Variants in B3GALNT2 observed in about 807,000 individuals in gnomAD.
B3GALNT2 encodes UDP-GalNAc:beta-1,3-N-acetylgalactosaminyltransferase 2.
Under a neutral mutation model 61.1 loss-of-function variants are expected in B3GALNT2, and 53 were observed. That is an observed-to-expected ratio of 0.87 (90% CI 0.70 to 1.09). The LOEUF is 1.09. B3GALNT2 is among the 50% of genes least tolerant of loss of function. B3GALNT2 has a pLI of 0.00. For missense variants in B3GALNT2, 544 were observed against 623.0 expected, an observed-to-expected ratio of 0.87 and a Z score of 1.35; for synonymous variants, 223 against 237.4, an observed-to-expected ratio of 0.94 and a Z score of 0.56.
At chr1:235,477,293 C>G (rs1360386279) in intron 5 of B3GALNT2, among the ~76,000 whole-genome samples, 1 of 152,180 alleles carries the variant, frequency 6.6e-6, no homozygotes, top group South Asian at 2.1e-4. Context: ...CCTTTTTGCT[C>G]TCTCTCCACA....
chr1:235,450,359 A>C lies in B3GALNT2; in HGVS notation c.1369-19T>G. The stretch of plus-strand genomic sequence containing the variant: ...GACTGTCCTGTTGAGAAACAACCAA[A>C]GCCGATCTGAGAGTGGTGAAACTGT... On this transcript the variant is annotated intron_variant, in intron 11 of 11. Transcript: ENST00000366600. The C allele has an allele frequency of 6.2e-7, 1 of 1,612,706 alleles. No homozygotes were observed. Among genetic ancestry groups the C allele is most frequent in the Non-Finnish European group, 8.5e-7 (1 of 1,178,922 alleles).
At chr1:235,450,752 C>A (rs1682847857) in intron 11 of B3GALNT2, 1 of 159,196 alleles carries the variant, frequency 6.3e-6, no homozygotes, top group Non-Finnish European at 1.4e-5. Context: ...ACTTAAATCT[C>A]ACAGTAATGC....
In B3GALNT2 at chr1:235,448,744, T is replaced by C. The variant is rs147519707; in HGVS notation, c.*1462A>G. 9 of 1,613,362 alleles carry C rather than the reference T, an allele frequency of 5.6e-6. No individual in the cohort carries two copies. Among genetic ancestry groups the C allele is most frequent in the African/African-American group, 2.7e-5 (2 of 74,900 alleles). On this transcript the variant is annotated 3_prime_UTR_variant, in exon 12 of 12. Coordinates refer to ENST00000366600, the MANE Select transcript of B3GALNT2 (RefSeq NM_152490.5). The stretch of plus-strand genomic sequence containing the variant: ...TTTATTCTGTGGAAAATGGAGATTG[T>C]CTATTAGTGCGATGGTGACAACCAA...
Position 235,448,502 on chromosome 1 carries a change from ACTGTCTCTAGATAGC to A in B3GALNT2, c.*1689_*1703del. 1 of 1,523,468 alleles carries A rather than the reference ACTGTCTCTAGATAGC, an allele frequency of 6.6e-7. No homozygotes were observed. Among genetic ancestry groups the A allele is most frequent in the Non-Finnish European group, 9.1e-7 (1 of 1,097,776 alleles). 94.4% of individuals were successfully genotyped at this position (1,523,468 alleles called of 1,614,324 possible). On this transcript the variant is annotated 3_prime_UTR_variant, in exon 12 of 12. Transcript: ENST00000366600. Reference sequence around the variant, plus strand: ...CTTAGTCCTCGTATTATGACATTAAACTGTCTCTAGATAGCAACAGTTTGATTCTAAATGGAGACC... The same window carrying A: ...CTTAGTCCTCGTATTATGACATTAAAAACAGTTTGATTCTAAATGGAGACC...
At chr1:235,489,780 C>T (rs759929447) in intron 2 of B3GALNT2, among the ~76,000 whole-genome samples, 9 of 152,138 alleles carry the variant, frequency 5.9e-5, no homozygotes, top group Non-Finnish European at 1.3e-4. Context: ...TCTAATTATT[C>T]TCTTCACCTT....
At chr1:235,443,510 T>C (rs1045610358), downstream of B3GALNT2, among the ~76,000 whole-genome samples, 1 of 152,184 alleles carries the variant, frequency 6.6e-6, no homozygotes, top group Non-Finnish European at 1.5e-5. Flanking sequence ...TGGCCTAAGT[T>C]GTATTTTTAA....
Position 235,494,951 on chromosome 1 carries a change from AAAG to A in B3GALNT2, c.113-126_113-124del. 3 of 1,045,560 alleles carry A rather than the reference AAAG, an allele frequency of 2.9e-6. No individual in the cohort carries two copies. The South Asian group carries it at 5.5e-5, about 19-fold the overall frequency. The allele number at this position is 1,045,560 out of a possible 1,614,324, so 64.8% of individuals were successfully genotyped here. On this transcript the variant is annotated intron_variant, in intron 1 of 11. Transcript: ENST00000366600. ...TAGGAAATTCAGATAAACACAAAGA[AAAG>A]AATTTTTAAATCACATATGAACCCA...
chr1:235,441,893 C>T, the B3GALNT2 span: 1 of 1,612,564 alleles, frequency 6.2e-7, no homozygotes. Flanking sequence ...GTAAGAATCT[C>T]AGATTCAAAT....
the B3GALNT2 span, chr1:235,441,510 T>C: frequency 2.7e-6 from 1 of 372,494 alleles, no homozygotes; most frequent in Non-Finnish European, 5.0e-6. Flanking sequence ...TAAGGAACAA[T>C]GATGTAATAC....
chr1:235,500,190 G>A (rs1173101564), intron 1 of B3GALNT2, among the ~76,000 whole-genome samples: 1 of 152,118 alleles, frequency 6.6e-6, no homozygotes, highest in Non-Finnish European at 1.5e-5. Flanking sequence ...ACATCCAAAG[G>A]TATATTAAAG....
intron 4 of B3GALNT2, among the ~76,000 whole-genome samples, chr1:235,481,227 T>C (rs1397532756): frequency 6.6e-6 from 1 of 152,194 alleles, no homozygotes; most frequent in Non-Finnish European, 1.5e-5. Flanking sequence ...AGTCCTTCCT[T>C]GAGGACAAAG....
chr1:235,464,350 G>A (rs768716402), intron 7 of B3GALNT2: 1 of 151,762 alleles, frequency 6.6e-6, no homozygotes, highest in Non-Finnish European at 1.5e-5. Flanking sequence ...TTTTATAAAT[G>A]GGCAAAGGAT....
intron 5 of B3GALNT2, among the ~76,000 whole-genome samples, chr1:235,473,016 G>A (rs772234893): frequency 2.3e-4 from 35 of 152,144 alleles, no homozygotes; most frequent in Non-Finnish European, 3.7e-4. Flanking sequence ...CCTGGTTCAA[G>A]TGATTCTCCT....
chr1:235,448,629 T>C lies in B3GALNT2; in HGVS notation c.*1577A>G, dbSNP rs753265986. ...TATGTGTAGCATGCTTTATCGGATC[T>C]GTCTTAATCACATCCTTCCCCACCT... On this transcript the variant is annotated 3_prime_UTR_variant, in exon 12 of 12. Coordinates refer to ENST00000366600, the MANE Select transcript of B3GALNT2 (RefSeq NM_152490.5). 2 of 1,545,528 alleles carry C rather than the reference T, an allele frequency of 1.3e-6. No homozygotes were observed. The highest frequency in any genetic ancestry group is 1.8e-6 in the Non-Finnish European group (2 of 1,118,050).
chr1:235,495,042 T>G (rs1685252397), intron 1 of B3GALNT2, among the ~76,000 whole-genome samples: 2 of 152,214 alleles, frequency 1.3e-5, no homozygotes, highest in Non-Finnish European at 2.9e-5. Flanking sequence ...CACGTATATA[T>G]GTATGTATTC....
In B3GALNT2 at chr1:235,448,462, A is replaced by C; in HGVS notation, c.*1744T>G. 1.2e-6 allele frequency: 2 copies of C among 1,605,706 alleles called. No individual in the cohort carries two copies. The highest frequency in any genetic ancestry group is 1.7e-6 in the Non-Finnish European group (2 of 1,172,352). On this transcript the variant is annotated 3_prime_UTR_variant, in exon 12 of 12. Transcript: ENST00000366600. Reference sequence around the variant, plus strand: ...CAAAGTAAGTTGCCCAGCAAAATACAAAGTCAAAGTCAAGCTTAGTCCTCG... The same window carrying C: ...CAAAGTAAGTTGCCCAGCAAAATACCAAGTCAAAGTCAAGCTTAGTCCTCG...
chr1:235,494,724 T>G lies in B3GALNT2; in HGVS notation c.217A>C (p.Thr73Pro), dbSNP rs1685233990. Reference protein sequence around the residue: ...NHELRNVIRSTWMRHLLQHPT... With the variant: ...NHELRNVIRSPWMRHLLQHPT... ...TGCTGTAGCAAATGTCTCATCCAGG[T>G]GCTTCTTATCACGTTTCGAAGTTCA... The change falls in exon 2 of 12, where the codon ACC becomes CCC. Residue 73 changes from threonine to proline, a missense_variant. Physicochemically the swap from Thr to Pro is conservative, Grantham distance 38. Coordinates refer to ENST00000366600, the MANE Select transcript of B3GALNT2 (RefSeq NM_152490.5). 1 of 1,613,358 alleles carries G rather than the reference T, an allele frequency of 6.2e-7. No individual in the cohort carries two copies. Among genetic ancestry groups the G allele is most frequent in the Non-Finnish European group, 8.5e-7 (1 of 1,179,364 alleles).
chr1:235,504,030 C>T, intron 1 of B3GALNT2, 111 bp downstream of exon 1: 1 of 1,108,070 alleles, frequency 9.0e-7, no homozygotes, highest in Non-Finnish European at 1.1e-6. Flanking sequence ...TGGGGACCGT[C>T]GCGTTTGGCC....
rs185392484 is a variant in B3GALNT2 at position 235,447,929 on chromosome 1, C to G, written c.*2277G>C. Among the ~76,000 whole-genome samples, 471 of 151,896 alleles carry G rather than the reference C, an allele frequency of 3.1e-3. 3 individuals are homozygous for G. The highest frequency in any genetic ancestry group is 6.8e-3 in the Middle Eastern group (2 of 294). The stretch of plus-strand genomic sequence containing the variant: ...AGTGACTTGGGTAAAATGAAAGATA[C>G]AGCCAGGCGCTGGGCTCATGCTTGT... On this transcript the variant is annotated 3_prime_UTR_variant, in exon 12 of 12. Transcript: ENST00000366600.
Sources: gnomAD v4.1 joint callset for allele counts (sites outside exome capture counted in the v4.1 genomes callset) on GRCh38, gnomAD v4.1.1 for gene constraint, MANE v1.5 for transcripts, NCBI Gene and HGNC (gene_info 2026-07-23, HGNC 2026-07-21) for gene names.